The following CDK19 variants were observed in gnomAD, a reference collection of about 807,000 sequenced individuals.
CDK19 encodes cyclin dependent kinase 19, also known as cyclin-dependent kinase 19.
In CDK19, 20 loss-of-function variants were observed where a neutral mutation model predicts 68.3. The ratio of observed to expected loss-of-function variants is 0.29; its 90% confidence interval spans 0.21 to 0.43. The LOEUF is 0.43. Ranked by LOEUF, CDK19 falls within the 20% of genes least tolerant of loss-of-function variation. The pLI is 1.00. For missense variants in CDK19, 339 were observed against 623.5 expected, an observed-to-expected ratio of 0.54 and a Z score of 4.86; for synonymous variants, 221 against 222.8, an observed-to-expected ratio of 0.99 and a Z score of 0.07.
chr6:110,727,122 A>C (rs1776369935), intron 2 of CDK19, among the ~76,000 whole-genome samples: 1 of 152,166 alleles, frequency 6.6e-6, no homozygotes, highest in Non-Finnish European at 1.5e-5. Flanking sequence ...GTTATATAAG[A>C]CCATTTCTCA....
intron 1 of CDK19, among the ~76,000 whole-genome samples, chr6:110,799,305 C>G (rs1460478088): frequency 1.3e-5 from 2 of 151,924 alleles, no homozygotes; most frequent in East Asian, 3.9e-4. Flanking sequence ...ACAATTAGGC[C>G]TTAATACCTG....
chr6:110,808,100 C>T (rs1562304710), intron 1 of CDK19, among the ~76,000 whole-genome samples: 1 of 152,078 alleles, frequency 6.6e-6, no homozygotes, highest in Non-Finnish European at 1.5e-5. Context: ...CTGATTTAAA[C>T]ATTTTTATTG....
chr6:110,649,426 T>C (rs541784288), intron 4 of CDK19, among the ~76,000 whole-genome samples: 4 of 152,168 alleles, frequency 2.6e-5, no homozygotes, highest in Admixed American at 6.5e-5. Context: ...GAAAAAAATA[T>C]AGAACATCTT....
At chr6:110,742,317 T>C (rs1345539635) in intron 2 of CDK19, among the ~76,000 whole-genome samples, 1 of 152,250 alleles carries the variant, frequency 6.6e-6, no homozygotes, top group Non-Finnish European at 1.5e-5. Context: ...CTTGTCTGTC[T>C]GTACTTTAAT....
At chr6:110,766,235 G>A (rs1475634263) in intron 1 of CDK19, among the ~76,000 whole-genome samples, 1 of 152,118 alleles carries the variant, frequency 6.6e-6, no homozygotes, top group African/African-American at 2.4e-5. Context: ...AAGAAAATGT[G>A]GCATATATAT....
At chr6:110,764,224 G>A (rs761678382) in intron 1 of CDK19, among the ~76,000 whole-genome samples, 1 of 152,084 alleles carries the variant, frequency 6.6e-6, no homozygotes, top group Non-Finnish European at 1.5e-5. Context: ...CAAAATCCCA[G>A]CCAACTGTTT....
At chr6:110,684,968 A>T (rs965020800) in intron 2 of CDK19, among the ~76,000 whole-genome samples, 1 of 152,010 alleles carries the variant, frequency 6.6e-6, no homozygotes, top group African/African-American at 2.4e-5. Context: ...GCGAAACCCC[A>T]TCTCTACTAA....
intron 1 of CDK19, among the ~76,000 whole-genome samples, chr6:110,784,158 C>CAAAAAAA (rs1170140844): frequency 3.3e-5 from 2 of 61,464 alleles, no homozygotes; most frequent in African/African-American, 5.7e-5. Flanking sequence ...GACTTCGTCT[C>CAAAAAAA]AAAAAAAAAA....
rs1016911217 is a variant in CDK19 at position 110,613,256 on chromosome 6, A to G, written c.*1279T>C. The G allele has an allele frequency of 6.6e-6, 1 of 152,648 alleles. No individual in the cohort carries two copies. The highest frequency in any genetic ancestry group is 1.5e-5 in the Non-Finnish European group (1 of 68,024). The allele number at this position is 152,648 out of a possible 1,614,324, so 9.5% of individuals were successfully genotyped here. A position where few individuals can be genotyped will look rare whatever the true frequency, so the allele number is the denominator to read the frequency against. On this transcript the variant is annotated 3_prime_UTR_variant, in exon 13 of 13. Transcript: ENST00000368911. Reference sequence around the variant, plus strand: ...TAGTATAGTCTTATACTATCCGCCCATAGTTTTTAGGCACAATTATTAAGT... The same window carrying G: ...TAGTATAGTCTTATACTATCCGCCCGTAGTTTTTAGGCACAATTATTAAGT...
intron 1 of CDK19, among the ~76,000 whole-genome samples, chr6:110,767,839 T>A (rs1779700888): frequency 1.3e-5 from 2 of 152,160 alleles, no homozygotes; most frequent in Admixed American, 1.3e-4. Context: ...ATTTGGGAAG[T>A]TAGACTTGAG....
chr6:110,710,914 T>C (rs969259907), intron 2 of CDK19, among the ~76,000 whole-genome samples: 1 of 152,220 alleles, frequency 6.6e-6, no homozygotes, highest in Non-Finnish European at 1.5e-5. Flanking sequence ...TAGATTCTTA[T>C]ATTGCATGTA....
At position 110,621,263 on chromosome 6, in the gene CDK19, G is replaced by A. The variant is rs1309504394; in HGVS notation, c.1218C>T (p.Asn406=). The A allele has an allele frequency of 1.9e-6, 3 of 1,613,080 alleles. No homozygotes were observed. Among genetic ancestry groups the A allele is most frequent in the Non-Finnish European group, 2.5e-6 (3 of 1,179,868 alleles). ...CGGCCCCAGCCCCACCTGCGGTCCC[G>A]TTGGTCTGGGTGCTGTTCTGCTGTG... The part of the protein sequence containing the change: ...PPPQQNSTQT[N]GTAGGAGAGV... Residue 406 remains asparagine (N), a synonymous_variant, in exon 12 of 13, where the codon AAC becomes AAT. Coordinates refer to ENST00000368911, the MANE Select transcript of CDK19 (RefSeq NM_015076.5). This position sits in a 1 kb window ranked among gnomAD's most constrained non-coding sequence, Gnocchi z 5.4.
chr6:110,664,222 C>A (rs1459540409), intron 4 of CDK19, among the ~76,000 whole-genome samples: 1 of 152,168 alleles, frequency 6.6e-6, no homozygotes, highest in Non-Finnish European at 1.5e-5. Flanking sequence ...AGTTTTACAT[C>A]TAAAACTCCC....
intron 4 of CDK19, chr6:110,645,672 A>T: frequency 2.8e-6 from 1 of 353,414 alleles, no homozygotes; most frequent in East Asian, 7.2e-5. Context: ...GGTGGATAAG[A>T]CACTTTGTCC....
chr6:110,796,772 G>C (rs930509036), intron 1 of CDK19, among the ~76,000 whole-genome samples: 1 of 152,050 alleles, frequency 6.6e-6, no homozygotes, highest in Non-Finnish European at 1.5e-5. Context: ...ACTTTGGGAG[G>C]CCAAGGTGGA....
intron 6 of CDK19, 104 bp downstream of exon 6, chr6:110,631,926 C>T (rs2114705691): frequency 1.8e-6 from 2 of 1,098,684 alleles, no homozygotes; most frequent in East Asian, 2.4e-5. Flanking sequence ...AGGACTTTTA[C>T]AAAAATGTAT....
intron 2 of CDK19, among the ~76,000 whole-genome samples, chr6:110,723,214 A>AAGC (rs957097329): frequency 6.6e-6 from 1 of 151,876 alleles, no homozygotes; most frequent in Non-Finnish European, 1.5e-5. Context: ...GGTTATACAC[A>AAGC]AGCAAGGCCA....
chr6:110,746,060 T>C (rs188301854), intron 2 of CDK19, 66 bp downstream of exon 2: 8 of 778,950 alleles, frequency 1.0e-5, no homozygotes, highest in East Asian at 3.0e-5. Context: ...ATGAAACTTT[T>C]ATATTAAAAT....
In CDK19 at chr6:110,646,106, C is replaced by T. The variant is rs151095985; in HGVS notation, c.457-7400G>A. ...AGTTTGTGGCTAAGCAAGGCACCTC[C>T]TTCGAGGTGATTCTCATCTCTGATG... On this transcript the variant is annotated intron_variant, in intron 4 of 12. Transcript: ENST00000368911. 3.3e-4 allele frequency: 286 copies of T among 877,540 alleles called. 1 individual carries two copies. In the Admixed American group the frequency reaches 3.4e-3, roughly 10 times the overall value. The allele number at this position is 877,540 out of a possible 1,614,324, so 54.4% of individuals were successfully genotyped here.
Sources: gnomAD v4.1 joint callset for allele counts (sites outside exome capture counted in the v4.1 genomes callset) on GRCh38, gnomAD v4.1.1 for gene constraint, Gnocchi (gnomAD v3.1) non-coding constraint, MANE v1.5 for transcripts, NCBI Gene and HGNC (gene_info 2026-07-23, HGNC 2026-07-21) for gene names.